RC3H1: variants seen among roughly 807,000 people sequenced by gnomAD.
The protein encoded by RC3H1 is ring finger and CCCH-type domains 1, also known as roquin-1.
A neutral mutation model predicts 138.2 loss-of-function variants in RC3H1; 50 were observed. That is an observed-to-expected ratio of 0.36 (90% CI 0.29 to 0.46). RC3H1 has a LOEUF of 0.46. Among genes scored for constraint, RC3H1 ranks in the 20% least tolerant of loss-of-function variants. The pLI is 1.00. For synonymous variants in RC3H1, 462 were observed against 489.1 expected (o/e 0.94, Z 0.73); for missense variants, 1,031 against 1,388.1 (o/e 0.74, Z 4.09).
At position 174,019,896 on chromosome 1, in the gene RC3H1, C is replaced by T. The variant is rs370364969; in HGVS notation, c.-151+2200G>A. On this transcript the variant is annotated intron_variant, in intron 1 of 19. Transcript: ENST00000367696. ...CTGGGTCAATAACCAATCTGAAATACAAAACCTTACCACTTAAAAATATTT... is the reference window on the plus strand; with the variant it reads ...CTGGGTCAATAACCAATCTGAAATATAAAACCTTACCACTTAAAAATATTT... 3.3e-5 allele frequency among the ~76,000 whole-genome samples: 5 copies of T among 152,144 alleles called. No homozygotes were observed. The South Asian group carries it at 1.0e-3, about 32-fold the overall frequency.
chr1:173,979,396 C>T, intron 6 of RC3H1, among the ~76,000 whole-genome samples: 1 of 152,200 alleles, frequency 6.6e-6, no homozygotes, highest in Non-Finnish European at 1.5e-5. Context: ...GCCTGTAATC[C>T]TAGCACTTTG....
intron 17 of RC3H1, among the ~76,000 whole-genome samples, chr1:173,946,208 A>AC (rs1015280231): frequency 3.9e-5 from 6 of 152,036 alleles, no homozygotes; most frequent in African/African-American, 9.7e-5. Flanking sequence ...AAACAAACAA[A>AC]AAAAACCTTA....
At chr1:173,970,182 A>T (rs537193225) in intron 9 of RC3H1, among the ~76,000 whole-genome samples, 69 of 152,318 alleles carry the variant, frequency 4.5e-4, no homozygotes, top group Middle Eastern at 6.8e-3. Flanking sequence ...CATGAAATTC[A>T]TTTATATTTC....
Position 173,964,837 on chromosome 1 carries a change from A to G in RC3H1, c.1616+2T>C. 1.2e-6 allele frequency: 2 copies of G among 1,607,970 alleles called. No individual in the cohort carries two copies. Among genetic ancestry groups the G allele is most frequent in the Non-Finnish European group, 1.7e-6 (2 of 1,176,354 alleles). On this transcript the variant is annotated splice_donor_variant, in intron 10 of 19. Transcript: ENST00000367696. LOFTEE classifies it high-confidence loss of function. ...GAAATAAGAGTTAGAAAAATGACGT[A>G]CAGGTCAGGAGGGGATCCAGGAGCA...
chr1:173,976,945 C>T (rs1350717320), intron 7 of RC3H1, among the ~76,000 whole-genome samples: 14 of 133,946 alleles, frequency 1.0e-4, no homozygotes, highest in African/African-American at 3.8e-4. Flanking sequence ...TTTTTTGAGA[C>T]GGAGTCTCGC....
rs1291842611 is a variant in RC3H1 at position 173,962,063 on chromosome 1, A to G, written c.1864T>C (p.Ser622Pro). 6.2e-7 allele frequency: 1 copy of G among 1,613,810 alleles called. No individual in the cohort carries two copies. The highest frequency in any genetic ancestry group is 8.5e-7 in the Non-Finnish European group (1 of 1,179,918). Residue 622 changes from serine to proline, a missense_variant, in exon 12 of 20, where the codon TCC (serine) becomes CCC (proline). Around this residue, in one of 7 missense-constraint regions of RC3H1, gnomAD observed 716 missense variants for 837.9 expected, o/e 0.85. Transcript: ENST00000367696. ...GATGGTGGAGGTCGGACAAAGCGGG[A>G]CACACATTGTGGTGGTGGAGTATAA... ...MYYTPPPQCVSRFVRPPPSAP... is the reference protein window; with the variant it reads ...MYYTPPPQCVPRFVRPPPSAP...
intron 1 of RC3H1, among the ~76,000 whole-genome samples, chr1:174,000,396 T>G (rs1200893784): frequency 6.6e-6 from 1 of 152,200 alleles, no homozygotes; most frequent in Non-Finnish European, 1.5e-5. Context: ...AATTCAACTA[T>G]CTACTCTGAG....
At chr1:174,004,860 G>A (rs575049466) in intron 1 of RC3H1, among the ~76,000 whole-genome samples, 11 of 151,838 alleles carry the variant, frequency 7.2e-5, no homozygotes, top group African/African-American at 2.4e-4. Flanking sequence ...AACATGCAAA[G>A]GCCCTAGGTT....
At chr1:173,995,157 G>A (rs1293970516) in intron 1 of RC3H1, among the ~76,000 whole-genome samples, 1 of 152,130 alleles carries the variant, frequency 6.6e-6, no homozygotes, top group Non-Finnish European at 1.5e-5. Flanking sequence ...CGAAAGTTAA[G>A]GGAAGAATAA....
chr1:173,947,693 G>A (rs1474831320), intron 14 of RC3H1, 111 bp from the exon 15 acceptor site: 5 of 747,870 alleles, frequency 6.7e-6, no homozygotes, highest in African/African-American at 1.7e-5. Flanking sequence ...TTACTGGTAA[G>A]ACTAAAATCA....
At chr1:173,953,601 G>A (rs1272428717) in intron 13 of RC3H1, among the ~76,000 whole-genome samples, 1 of 151,976 alleles carries the variant, frequency 6.6e-6, no homozygotes, top group Non-Finnish European at 1.5e-5. Context: ...TCTCTGTAGT[G>A]TATTATATGT....
chr1:174,021,154 C>T lies in RC3H1; in HGVS notation c.-151+942G>A, dbSNP rs1661949700. ...CCACCTGTCTCCTTTCGAAGTGCTT[C>T]CTGAGGTCCACTTTATGCTAGTTAA... On this transcript the variant is annotated intron_variant, in intron 1 of 19. Coordinates refer to ENST00000367696, the MANE Select transcript of RC3H1 (RefSeq NM_172071.4). Among the ~76,000 whole-genome samples, 4 of 152,228 alleles carry T rather than the reference C, an allele frequency of 2.6e-5. No individual in the cohort carries two copies. The South Asian group carries it at 8.3e-4, about 32-fold the overall frequency.
chr1:173,950,673 G>C (rs1659356306), intron 14 of RC3H1, among the ~76,000 whole-genome samples: 1 of 151,940 alleles, frequency 6.6e-6, no homozygotes, highest in African/African-American at 2.4e-5. Context: ...AATGAGACTT[G>C]GGGGATTTAT....
intron 9 of RC3H1, among the ~76,000 whole-genome samples, chr1:173,968,740 G>C (rs1241128823): frequency 2.0e-5 from 3 of 151,904 alleles, no homozygotes; most frequent in Non-Finnish European, 4.4e-5. Flanking sequence ...TTTAATGAGA[G>C]TGAATCGAAT....
At chr1:173,983,022 G>T (rs1007674768) in intron 4 of RC3H1, 120 bp from the exon 5 acceptor site, 1 of 834,492 alleles carries the variant, frequency 1.2e-6, no homozygotes, top group African/African-American at 1.8e-5. Context: ...ATACAGTTAA[G>T]ATTAACCAGC....
intron 1 of RC3H1, among the ~76,000 whole-genome samples, chr1:174,008,976 GAAAAA>G (rs59047478): frequency 2.4e-5 from 2 of 84,234 alleles, no homozygotes; most frequent in South Asian, 3.8e-4. Context: ...GACTTTGTCT[GAAAAA>G]AAAAAAAAAA....
chr1:173,932,538 A>G lies in RC3H1; in HGVS notation c.*6183T>C, dbSNP rs570218157. 1 of 152,256 alleles carries G rather than the reference A, an allele frequency of 6.6e-6. No individual in the cohort carries two copies. The highest frequency in any genetic ancestry group is 6.5e-5 in the Admixed American group (1 of 15,290). 9.4% of individuals were successfully genotyped at this position (152,256 alleles called of 1,614,324 possible). ...GACCTGTGGACTAATTAATTTTTTT[A>G]AAAAAGTTCCTTTTATTCCCAGGAA... On this transcript the variant is annotated 3_prime_UTR_variant, in exon 20 of 20. Coordinates refer to ENST00000367696, the MANE Select transcript of RC3H1 (RefSeq NM_172071.4).
chr1:173,946,202 AAAC>A (rs1475811696), intron 17 of RC3H1, among the ~76,000 whole-genome samples: 2 of 151,598 alleles, frequency 1.3e-5, no homozygotes, highest in African/African-American at 4.9e-5. Context: ...ACAAACAAAC[AAAC>A]AAAAAAAACC....
intron 14 of RC3H1, among the ~76,000 whole-genome samples, chr1:173,950,421 A>G (rs1210780108): frequency 2.7e-5 from 3 of 110,342 alleles, no homozygotes; most frequent in African/African-American, 1.8e-4. Flanking sequence ...CATCTCTACC[A>G]AAAAAAAAAA....
Sources: allele counts gnomAD v4.1 joint callset (sites outside exome capture counted in the v4.1 genomes callset), GRCh38; gene constraint gnomAD v4.1.1; regional missense constraint gnomAD v4.1.1; transcripts MANE v1.5; gene names NCBI Gene and HGNC (gene_info 2026-07-23, HGNC 2026-07-21).